CTNNA1: variants seen among roughly 807,000 people sequenced by gnomAD.
CTNNA1 encodes catenin alpha-1.
In CTNNA1, 37 loss-of-function variants were observed where a neutral mutation model predicts 98.4. The observed-to-expected ratio is 0.38, with a 90% CI of 0.29 to 0.49. The LOEUF (loss-of-function observed/expected upper bound fraction) is 0.49. Among genes scored for constraint, CTNNA1 ranks in the 20% least tolerant of loss-of-function variants. The pLI is 0.95. For synonymous variants in CTNNA1, 404 were observed against 413.2 expected, an observed-to-expected ratio of 0.98 and a Z score of 0.27; for missense variants, 761 against 1,147.2, an observed-to-expected ratio of 0.66 and a Z score of 4.86.
chr5:138,754,317 C>T (rs992607330), intron 1 of CTNNA1: 6 of 151,016 alleles, frequency 4.0e-5, no homozygotes, highest in African/African-American at 1.5e-4. Flanking sequence ...AAAAATGTTG[C>T]CTGAATGAAT....
At chr5:138,790,755 A>AC (rs1756263069) in intron 3 of CTNNA1, among the ~76,000 whole-genome samples, 1 of 152,220 alleles carries the variant, frequency 6.6e-6, no homozygotes, top group Non-Finnish European at 1.5e-5. Flanking sequence ...GTAGGACAAG[A>AC]TTATGGTAGT....
intron 3 of CTNNA1, among the ~76,000 whole-genome samples, chr5:138,809,389 T>G (rs1385216164): frequency 5.9e-5 from 9 of 152,252 alleles, no homozygotes; most frequent in African/African-American, 2.2e-4. Context: ...ACATTTATGA[T>G]TTCATTTGTT....
At chr5:138,899,859 C>G (rs1757652004) in intron 9 of CTNNA1, among the ~76,000 whole-genome samples, 1 of 152,140 alleles carries the variant, frequency 6.6e-6, no homozygotes, top group South Asian at 2.1e-4. Flanking sequence ...ATAAAATTAA[C>G]CATTTTAAGT....
At chr5:138,854,700 T>C (rs1282752702) in intron 7 of CTNNA1, among the ~76,000 whole-genome samples, 1 of 152,232 alleles carries the variant, frequency 6.6e-6, no homozygotes, top group Non-Finnish European at 1.5e-5. Context: ...CATTTTTCAG[T>C]TCCTTCTTTG....
At chr5:138,846,152 A>G (rs900112094) in intron 7 of CTNNA1, among the ~76,000 whole-genome samples, 1 of 152,142 alleles carries the variant, frequency 6.6e-6, no homozygotes, top group African/African-American at 2.4e-5. Context: ...GGGTTTCACC[A>G]TCTTGGCCAG....
At chr5:138,816,775 A>G (rs746484499) in intron 5 of CTNNA1, among the ~76,000 whole-genome samples, 44 of 151,776 alleles carry the variant, frequency 2.9e-4, no homozygotes, top group Non-Finnish European at 5.3e-4. Context: ...ATCTCGACTC[A>G]CTGCAACCTC....
At position 138,874,606 on chromosome 5, in the gene CTNNA1, G is replaced by T. The variant is rs1378942280; in HGVS notation, c.1063-11606G>T. The T allele has an allele frequency of 8.7e-7, 1 of 1,144,892 alleles. No individual in the cohort carries two copies. The highest frequency in any genetic ancestry group is 1.6e-5 in the South Asian group (1 of 62,086). 70.9% of individuals were successfully genotyped at this position (1,144,892 alleles called of 1,614,324 possible). A position where few individuals can be genotyped will look rare whatever the true frequency, so the allele number is the denominator to read the frequency against. On this transcript the variant is annotated intron_variant, in intron 7 of 17. Transcript: ENST00000302763. This position sits in a 1 kb window ranked among gnomAD's most constrained non-coding sequence, Gnocchi z 4.1. Reference sequence around the variant, plus strand: ...CAAGAAGATAGGATATTTTTCAGCAGAACATATGGGCTATTTAAAAAAAAC... The same window carrying T: ...CAAGAAGATAGGATATTTTTCAGCATAACATATGGGCTATTTAAAAAAAAC...
At chr5:138,815,217 A>AT (rs1759311509) in intron 5 of CTNNA1, among the ~76,000 whole-genome samples, 1 of 151,426 alleles carries the variant, frequency 6.6e-6, no homozygotes, top group African/African-American at 2.4e-5. Flanking sequence ...TATTTTTTTC[A>AT]TGTGTTTTTT....
chr5:138,785,787 G>A (rs947172469), intron 3 of CTNNA1, among the ~76,000 whole-genome samples: 2 of 152,082 alleles, frequency 1.3e-5, no homozygotes, highest in Admixed American at 6.6e-5. Context: ...GTATAGTATA[G>A]TATTGCCTTG....
chr5:138,920,061 C>G (rs1162657674), intron 11 of CTNNA1, among the ~76,000 whole-genome samples: 2 of 143,348 alleles, frequency 1.4e-5, no homozygotes, highest in African/African-American at 5.2e-5. Flanking sequence ...ACTGCAACCT[C>G]TGCCTCTCAG....
intron 7 of CTNNA1, chr5:138,871,670 A>G (rs1033961977): frequency 6.6e-6 from 1 of 152,124 alleles, no homozygotes; most frequent in African/African-American, 2.4e-5. Context: ...TTTCCTTTTA[A>G]TCCCTCACCT....
intron 4 of CTNNA1, among the ~76,000 whole-genome samples, chr5:138,810,518 A>C (rs1350396900): frequency 2.6e-5 from 4 of 152,214 alleles, no homozygotes; most frequent in Non-Finnish European, 5.9e-5. Context: ...ACCAAGATAC[A>C]TTAAATTTTG....
intron 1 of CTNNA1, among the ~76,000 whole-genome samples, chr5:138,756,228 G>A (rs887387896): frequency 6.6e-6 from 1 of 151,634 alleles, no homozygotes; most frequent in Non-Finnish European, 1.5e-5. Context: ...TGATAGAGAG[G>A]GTTTCACCAT....
intron 13 of CTNNA1, among the ~76,000 whole-genome samples, chr5:138,928,619 G>A (rs1764632741): frequency 6.6e-6 from 1 of 152,158 alleles, no homozygotes; most frequent in Non-Finnish European, 1.5e-5. Context: ...GCCGGTGTTG[G>A]GGAAGTAAAT....
At chr5:138,841,409 G>A (rs1461797533) in intron 7 of CTNNA1, among the ~76,000 whole-genome samples, 5 of 152,070 alleles carry the variant, frequency 3.3e-5, no homozygotes, top group South Asian at 2.1e-4. Flanking sequence ...ACAGGCGCCC[G>A]CTACCACGCC....
At chr5:138,805,751 TA>T (rs921984433) in intron 3 of CTNNA1, among the ~76,000 whole-genome samples, 234 of 147,838 alleles carry the variant, frequency 1.6e-3, no homozygotes, top group Middle Eastern at 3.5e-3. Flanking sequence ...GCAGCCAACT[TA>T]AAAAAAAAAA....
chr5:138,842,516 C>G (rs1019080932), intron 7 of CTNNA1, among the ~76,000 whole-genome samples: 42 of 152,048 alleles, frequency 2.8e-4, no homozygotes, highest in Admixed American at 2.8e-3. Context: ...ATAAAGGATC[C>G]TCTCACCTCC....
intron 5 of CTNNA1, among the ~76,000 whole-genome samples, chr5:138,815,982 G>T (rs1759391165): frequency 6.6e-6 from 1 of 152,098 alleles, no homozygotes; most frequent in Non-Finnish European, 1.5e-5. Flanking sequence ...TTTCTTTTGG[G>T]CACTGTCCAT....
chr5:138,805,676 TC>T (rs1296204482), intron 3 of CTNNA1, among the ~76,000 whole-genome samples: 1 of 151,944 alleles, frequency 6.6e-6, no homozygotes, highest in Non-Finnish European at 1.5e-5. Context: ...GATGCTAACT[TC>T]TGGGCTCAAG....
Sources: gnomAD v4.1 joint callset for allele counts (sites outside exome capture counted in the v4.1 genomes callset) on GRCh38, gnomAD v4.1.1 for gene constraint, Gnocchi (gnomAD v3.1) non-coding constraint, MANE v1.5 for transcripts, NCBI Gene and HGNC (gene_info 2026-07-23, HGNC 2026-07-21) for gene names.